Variants in CACFD1 observed in about 807,000 individuals in gnomAD.
CACFD1 encodes the protein calcium channel flower domain containing 1, also known as calcium channel flower homolog.
A neutral mutation model predicts 21.3 loss-of-function variants in CACFD1; 26 were observed. That is an observed-to-expected ratio of 1.22 (90% CI 0.89 to 1.69). The LOEUF (loss-of-function observed/expected upper bound fraction) is 1.69. CACFD1 is among the 40% of genes most tolerant of loss of function. The probability of loss-of-function intolerance (pLI) is 0.00; values close to 1 mark genes in which losing one functional copy is unlikely to be tolerated. For missense variants in CACFD1, 265 were observed against 236.2 expected (o/e 1.12, Z -0.80); for synonymous variants, 121 against 106.6 (o/e 1.13, Z -0.83).
chr9:133,460,247 C>T (rs960837638), intron 1 of CACFD1, 60 bp downstream of exon 1: 3 of 1,384,174 alleles, frequency 2.2e-6, no homozygotes, highest in South Asian at 1.5e-5. Context: ...TCGCCCTGCC[C>T]TGCCCCGCCC....
Position 133,463,537 on chromosome 9 carries a change from CG to C in CACFD1, c.178del (p.Ala60ProfsTer5). On this transcript the variant is annotated frameshift_variant, in exon 2 of 5. Coordinates refer to ENST00000316948, the MANE Select transcript of CACFD1 (RefSeq NM_017586.5). LOFTEE classifies it high-confidence loss of function. ...ATCACCATCCACCCTCTGAACATTG[CG>C]GCCGGCGTGTGGATGATGTGAGTAA... The part of the protein sequence containing the change: ...NCITIHPLNI[A>X]AGVWMIMNAF... 1 of 1,614,078 alleles carries C rather than the reference CG, an allele frequency of 6.2e-7. No individual in the cohort carries two copies. Among genetic ancestry groups the C allele is most frequent in the Non-Finnish European group, 8.5e-7 (1 of 1,180,000 alleles).
intron 4 of CACFD1, 145 bp downstream of exon 4, chr9:133,468,173 C>A: frequency 9.3e-7 from 1 of 1,070,922 alleles, no homozygotes; most frequent in Non-Finnish European, 1.3e-6. Flanking sequence ...GCCTCCAGGG[C>A]TCAGCTCGAG....
intron 1 of CACFD1, among the ~76,000 whole-genome samples, chr9:133,460,689 G>T (rs1843163186): frequency 6.6e-6 from 1 of 152,222 alleles, no homozygotes; most frequent in Admixed American, 6.5e-5. Flanking sequence ...TGCACGGCTG[G>T]CTAGATTTCT....
rs1443174125 is a variant in CACFD1 at position 133,461,776 on chromosome 9, G to A, written c.121+1589G>A. 3 of 742,958 alleles carry A rather than the reference G, an allele frequency of 4.0e-6. No individual in the cohort carries two copies. In the African/African-American group the frequency reaches 5.7e-5, roughly 14 times the overall value. 46.0% of individuals were successfully genotyped at this position (742,958 alleles called of 1,614,324 possible). A position where few individuals can be genotyped will look rare whatever the true frequency, so the allele number is the denominator to read the frequency against. ...TGTCAGTTGCATCTGCAGATTTTTGGGGGCATGGTTATGTGAACATCAAAA... is the reference window on the plus strand; with the variant it reads ...TGTCAGTTGCATCTGCAGATTTTTGAGGGCATGGTTATGTGAACATCAAAA... On this transcript the variant is annotated intron_variant, in intron 1 of 4. Transcript: ENST00000316948.
Position 133,469,098 on chromosome 9 carries a change from C to T in CACFD1, c.*445C>T, listed in dbSNP as rs587691166. The T allele has an allele frequency of 5.2e-6, 1 of 190,820 alleles. No homozygotes were observed. The highest frequency in any genetic ancestry group is 2.3e-5 in the African/African-American group (1 of 42,966). The allele number at this position is 190,820 out of a possible 1,614,324, so 11.8% of individuals were successfully genotyped here. A position where few individuals can be genotyped will look rare whatever the true frequency, so the allele number is the denominator to read the frequency against. On this transcript the variant is annotated 3_prime_UTR_variant, in exon 5 of 5. Coordinates refer to ENST00000316948, the MANE Select transcript of CACFD1 (RefSeq NM_017586.5). ...GTGGAGCCCCAGGGCCTGGGACAGC[C>T]TGCCGCTGCCAGCAACCTCCCACTG...
intron 2 of CACFD1, among the ~76,000 whole-genome samples, chr9:133,464,715 T>C (rs73660494): frequency 1.8e-3 from 279 of 152,214 alleles, no homozygotes; most frequent in African/African-American, 6.5e-3. Context: ...ACCCCAAACA[T>C]AGGGCTGGAT....
At chr9:133,460,258 C>G in intron 1 of CACFD1, 71 bp downstream of exon 1, 1 of 1,349,420 alleles carries the variant, frequency 7.4e-7, no homozygotes, top group East Asian at 3.1e-5. Context: ...TGCCCCGCCC[C>G]GCCCCGGCGG....
chr9:133,465,303 C>T lies in CACFD1; in HGVS notation c.195-19C>T, dbSNP rs1554799310. 5.6e-6 allele frequency: 9 copies of T among 1,613,534 alleles called. No homozygotes were observed. Among genetic ancestry groups the T allele is most frequent in the South Asian group, 4.4e-5 (4 of 91,058 alleles). On this transcript the variant is annotated intron_variant, in intron 2 of 4. Coordinates refer to ENST00000316948, the MANE Select transcript of CACFD1 (RefSeq NM_017586.5). The surrounding 1 kb of genome is among the most constrained non-coding windows in gnomAD (Gnocchi z 5.0). Reference sequence around the variant, plus strand: ...TGGGATTGTCAGTCGCTGCTCTTCTCCTGCCCTGGTCCCTGCAGCATGAAT... The same window carrying T: ...TGGGATTGTCAGTCGCTGCTCTTCTTCTGCCCTGGTCCCTGCAGCATGAAT...
chr9:133,460,720 A>T (rs1554798323), intron 1 of CACFD1, among the ~76,000 whole-genome samples: 1 of 151,928 alleles, frequency 6.6e-6, no homozygotes, highest in East Asian at 1.9e-4. Context: ...CACTGGGCGG[A>T]AGTTTGCTGA....
intron 4 of CACFD1, 101 bp from the exon 5 acceptor site, chr9:133,468,462 C>T (rs1554800049): frequency 5.2e-6 from 8 of 1,537,394 alleles, no homozygotes; most frequent in African/African-American, 1.4e-5. Flanking sequence ...AGAATGCCTG[C>T]AGGTCACACC....
In CACFD1 at chr9:133,470,597, C is replaced by T. The variant is rs943600974; in HGVS notation, c.*1944C>T. 2.0e-5 allele frequency: 3 copies of T among 152,482 alleles called. No homozygotes were observed. Among genetic ancestry groups the T allele is most frequent in the South Asian group, 2.1e-4 (1 of 4,834 alleles). 9.4% of individuals were successfully genotyped at this position (152,482 alleles called of 1,614,324 possible). ...AGTCCTGGGGTCCCTGACCCTGTCG[C>T]CCAGGGGGCGTGCTGTCCAGCAGGG... On this transcript the variant is annotated 3_prime_UTR_variant, in exon 5 of 5. Coordinates refer to ENST00000316948, the MANE Select transcript of CACFD1 (RefSeq NM_017586.5).
At chr9:133,467,541 G>A (rs1843486963) in intron 3 of CACFD1, among the ~76,000 whole-genome samples, 3 of 152,312 alleles carry the variant, frequency 2.0e-5, no homozygotes, top group South Asian at 2.1e-4. Flanking sequence ...CCCTCTCCGC[G>A]GTGGAGATTC....
chr9:133,467,836 G>A, intron 3 of CACFD1, 85 bp from the exon 4 acceptor site: 13 of 974,462 alleles, frequency 1.3e-5, no homozygotes, highest in Non-Finnish European at 2.1e-5. Context: ...TGTCTAGGAA[G>A]GATGCTGGGC....
intron 2 of CACFD1, among the ~76,000 whole-genome samples, chr9:133,463,902 G>A (rs1460161979): frequency 1.3e-5 from 2 of 152,250 alleles, no homozygotes; most frequent in Admixed American, 6.5e-5. Context: ...TGGGGCCCTC[G>A]CCCTCTGGGA....
Position 133,465,346 on chromosome 9 carries a change from G to C in CACFD1, c.219G>C (p.Leu73=). 1 of 1,614,072 alleles carries C rather than the reference G, an allele frequency of 6.2e-7. No homozygotes were observed. The highest frequency in any genetic ancestry group is 8.5e-7 in the Non-Finnish European group (1 of 1,179,984). ...GCATGAATGCCTTCATCTTGTTGCT[G>C]TGTGAGGCGCCCTTCTGCTGCCAGT... The part of the protein sequence containing the change: ...WMIMNAFILL[L]CEAPFCCQFI... The change falls in exon 3 of 5, where the codon CTG becomes CTC. Residue 73 remains leucine, a synonymous_variant. Transcript: ENST00000316948. This position sits in a 1 kb window ranked among gnomAD's most constrained non-coding sequence, Gnocchi z 5.0.
intron 2 of CACFD1, among the ~76,000 whole-genome samples, chr9:133,463,940 G>A (rs1843325989): frequency 6.6e-6 from 1 of 152,220 alleles, no homozygotes; most frequent in South Asian, 2.1e-4. Flanking sequence ...GGGGAAGGCT[G>A]TTCATTGGGG....
In CACFD1 at chr9:133,463,581, C is replaced by T. The variant is rs1008336164; in HGVS notation, c.194+26C>T. 15 of 1,612,350 alleles carry T rather than the reference C, an allele frequency of 9.3e-6. No individual in the cohort carries two copies. The African/African-American group carries it at 1.9e-4, about 20-fold the overall frequency. The stretch of plus-strand genomic sequence containing the variant: ...GTGAGTAATGCATGGCCGTCCCACC[C>T]CGGGGGTCTTGCTGGTCGGGAATCT... On this transcript the variant is annotated intron_variant, in intron 2 of 4. Transcript: ENST00000316948.
intron 1 of CACFD1, among the ~76,000 whole-genome samples, chr9:133,460,459 A>AGGGCGGGGGGGCGGCGG (rs1318403735): frequency 0.017 from 1,209 of 69,722 alleles, 55 homozygotes; most frequent in South Asian, 0.021. Flanking sequence ...CAGAAACCCC[A>AGGGCGGGGGGGCGGCGG]GGGCGGGGGG....
intron 1 of CACFD1, chr9:133,462,358 C>A: frequency 2.6e-6 from 3 of 1,175,276 alleles, no homozygotes; most frequent in Non-Finnish European, 1.1e-6. Flanking sequence ...TGCTGAGGAG[C>A]AGTGCAACGC....
Sources: gnomAD v4.1 joint callset for allele counts (sites outside exome capture counted in the v4.1 genomes callset) on GRCh38, gnomAD v4.1.1 for gene constraint, Gnocchi (gnomAD v3.1) non-coding constraint, MANE v1.5 for transcripts, NCBI Gene and HGNC (gene_info 2026-07-23, HGNC 2026-07-21) for gene names.